Variants in PABPC1L observed in about 807,000 individuals in gnomAD.
PABPC1L encodes the protein polyadenylate-binding protein 1-like.
Under a neutral mutation model 66.6 loss-of-function variants are expected in PABPC1L, and 31 were observed. That is an observed-to-expected ratio of 0.47 (90% confidence interval 0.35 to 0.63). The LOEUF is 0.63. Among genes scored for constraint, PABPC1L ranks in the 20% least tolerant of loss-of-function variants. The probability of loss-of-function intolerance (pLI) is 0.00; values close to 1 mark genes in which losing one functional copy is unlikely to be tolerated. For synonymous variants in PABPC1L, 348 were observed against 335.1 expected (o/e 1.04, Z -0.42); for missense variants, 722 against 848.8 (o/e 0.85, Z 1.86).
intron 7 of PABPC1L, among the ~76,000 whole-genome samples, chr20:44,929,418 A>G (rs1403241358): frequency 6.6e-6 from 1 of 152,238 alleles, no homozygotes; most frequent in Non-Finnish European, 1.5e-5. Context: ...CTAATGGTAT[A>G]AAATAGTTAA....
chr20:44,933,208 G>A (rs762585658), intron 10 of PABPC1L, 23 bp downstream of exon 10: 5 of 1,576,466 alleles, frequency 3.2e-6, no homozygotes, highest in Middle Eastern at 3.3e-4. Flanking sequence ...AGGGCCAAGG[G>A]GAATGGGGGT....
chr20:44,927,852 T>G (rs2066820873), intron 7 of PABPC1L, among the ~76,000 whole-genome samples: 2 of 152,064 alleles, frequency 1.3e-5, no homozygotes, highest in Non-Finnish European at 2.9e-5. Flanking sequence ...TATGCCTGGA[T>G]AATTATTTTT....
intron 2 of PABPC1L, among the ~76,000 whole-genome samples, chr20:44,915,827 G>T (rs2066734289): frequency 6.6e-6 from 1 of 151,258 alleles, no homozygotes; most frequent in Admixed American, 6.6e-5. Flanking sequence ...AAATTGAAAT[G>T]AGTCTGTTGT....
intron 10 of PABPC1L, among the ~76,000 whole-genome samples, 183 bp downstream of exon 10, chr20:44,933,368 T>C (rs1408362439): frequency 6.6e-6 from 1 of 152,150 alleles, no homozygotes; most frequent in African/African-American, 2.4e-5. Context: ...AGGCCCTTGC[T>C]GACTACTATA....
intron 8 of PABPC1L, 189 bp from the exon 9 acceptor site, chr20:44,932,153 C>G: frequency 2.4e-6 from 1 of 423,674 alleles, no homozygotes; most frequent in Non-Finnish European, 4.2e-6. Context: ...GATCTTTGCC[C>G]TGCAGGATTC....
intron 7 of PABPC1L, 88 bp downstream of exon 7, chr20:44,924,344 G>C: frequency 9.6e-7 from 1 of 1,043,296 alleles, no homozygotes; most frequent in Non-Finnish European, 1.4e-6. Flanking sequence ...CCACCCTCTC[G>C]CCCAGCAGCC....
Position 44,930,720 on chromosome 20 carries a change from G to T in PABPC1L, c.1233G>T (p.Met411Ile). The T allele has an allele frequency of 1.2e-6, 2 of 1,612,920 alleles. No individual in the cohort carries two copies. Among genetic ancestry groups the T allele is most frequent in the Non-Finnish European group, 8.5e-7 (1 of 1,179,730 alleles). The stretch of plus-strand genomic sequence containing the variant: ...CCTCCAGCTACTTCCTGCCTGCCAT[G>T]CCCCAGGTGACGGCCTGCCCGCAAC... ...QQPSSYFLPA[M>I]PQPPAQAAYY... Residue 411 changes from methionine (M) to isoleucine (I), a missense_variant, in exon 8 of 15, where the codon ATG becomes ATT. Transcript: ENST00000217073.
intron 7 of PABPC1L, among the ~76,000 whole-genome samples, chr20:44,926,638 C>G (rs1056123422): frequency 2.6e-5 from 4 of 151,758 alleles, no homozygotes; most frequent in African/African-American, 9.7e-5. Context: ...CTTCTGCCTC[C>G]CAGGTTCAAG....
At chr20:44,925,084 G>A (rs898859418) in intron 7 of PABPC1L, among the ~76,000 whole-genome samples, 47 of 145,218 alleles carry the variant, frequency 3.2e-4, no homozygotes, top group African/African-American at 1.2e-3. Flanking sequence ...ATGATGGCAC[G>A]TGCCTATAGT....
chr20:44,910,086 C>T lies in PABPC1L; in HGVS notation c.-58C>T, dbSNP rs550622052. On this transcript the variant is annotated 5_prime_UTR_variant, in exon 1 of 15. Transcript: ENST00000217073. Reference sequence around the variant, plus strand: ...AGGAGGGCTTCCGCCCGGGTGAGCGCGGGGCTGCTGGGTGACCCGGCTCCT... The same window carrying T: ...AGGAGGGCTTCCGCCCGGGTGAGCGTGGGGCTGCTGGGTGACCCGGCTCCT... 9.5e-5 allele frequency: 137 copies of T among 1,442,306 alleles called. 1 individual carries two copies. In the South Asian group the frequency reaches 1.7e-3, roughly 18 times the overall value. 89.3% of individuals were successfully genotyped at this position (1,442,306 alleles called of 1,614,324 possible). A position where few individuals can be genotyped will look rare whatever the true frequency, so the allele number is the denominator to read the frequency against.
chr20:44,931,008 C>T (rs2066849686), intron 8 of PABPC1L, among the ~76,000 whole-genome samples: 1 of 88,086 alleles, frequency 1.1e-5, no homozygotes, highest in Non-Finnish European at 2.3e-5. Flanking sequence ...TTCCTTCCTC[C>T]CTTCCTTCCC....
At chr20:44,935,521 TCTTAGCCTGGGCTC>T (rs1408206610) in intron 11 of PABPC1L, 24 bp downstream of exon 11, 1 of 1,603,402 alleles carries the variant, frequency 6.2e-7, no homozygotes, top group Non-Finnish European at 8.5e-7. Context: ...AGCTGCCTGC[TCTTAGCCTGGGCTC>T]CTGGCCGCCT....
chr20:44,938,614 G>A lies in PABPC1L; in HGVS notation c.1792-60G>A, dbSNP rs560584807. 13 of 1,547,502 alleles carry A rather than the reference G, an allele frequency of 8.4e-6. No homozygotes were observed. The South Asian group carries it at 1.1e-4, about 13-fold the overall frequency. On this transcript the variant is annotated intron_variant, in intron 13 of 14. Coordinates refer to ENST00000217073, the MANE Select transcript of PABPC1L (RefSeq NM_001372179.1). ...GATGGTGAGCGAGGGGGAGATCAAG[G>A]CTCTTCTGTGACCTGCTAAGATAGC...
chr20:44,924,357 CA>C, intron 7 of PABPC1L, 101 bp downstream of exon 7: 2 of 933,362 alleles, frequency 2.1e-6, no homozygotes, highest in South Asian at 3.0e-5. Context: ...CAGCAGCCTT[CA>C]GGGGGTTGGT....
Position 44,935,472 on chromosome 20 carries a change from C to T in PABPC1L, c.1541C>T (p.Ser514Phe), listed in dbSNP as rs1350264010. The T allele has an allele frequency of 3.1e-6, 5 of 1,614,026 alleles. No individual in the cohort carries two copies. The highest frequency in any genetic ancestry group is 4.2e-6 in the Non-Finnish European group (5 of 1,180,022). ...CGGCCGCTCCTGCCGTGCAAATGTT[C>T]CTCAGCAGCACATAGCACCTATCGG... is the stretch of plus-strand genomic sequence containing the variant. Reference protein sequence around the residue: ...PGRPLLPCKCSSAAHSTYRVQ... With the variant: ...PGRPLLPCKCFSAAHSTYRVQ... Residue 514 changes from serine to phenylalanine, a missense_variant, in exon 11 of 15, where the codon TCC (serine) becomes TTC (phenylalanine). Around this residue, in one of 3 missense-constraint regions of PABPC1L, gnomAD observed 301 missense variants for 337.2 expected, o/e 0.89. Coordinates refer to ENST00000217073, the MANE Select transcript of PABPC1L (RefSeq NM_001372179.1).
In PABPC1L at chr20:44,936,924, C is replaced by A. The variant is rs537384749; in HGVS notation, c.1660+194C>A. Reference sequence around the variant, plus strand: ...TGTTATCTTGTCTTAAAACGCTGGTCAGACTGGATGGTCCTGAGCTTTCTT... The same window carrying A: ...TGTTATCTTGTCTTAAAACGCTGGTAAGACTGGATGGTCCTGAGCTTTCTT... On this transcript the variant is annotated intron_variant, in intron 12 of 14. Coordinates refer to ENST00000217073, the MANE Select transcript of PABPC1L (RefSeq NM_001372179.1). 2.5e-5 allele frequency: 17 copies of A among 678,354 alleles called. No individual in the cohort carries two copies. The South Asian group carries it at 2.6e-4, about 10-fold the overall frequency. 42.0% of individuals were successfully genotyped at this position (678,354 alleles called of 1,614,324 possible). A position where few individuals can be genotyped will look rare whatever the true frequency, so the allele number is the denominator to read the frequency against.
intron 11 of PABPC1L, among the ~76,000 whole-genome samples, chr20:44,936,203 G>A (rs574745595): frequency 5.3e-5 from 8 of 152,220 alleles, no homozygotes; most frequent in South Asian, 2.1e-4. Context: ...GGCCTCAAGC[G>A]ATCCTCCCAC....
At chr20:44,920,073 C>T (rs2066762822) in intron 5 of PABPC1L, among the ~76,000 whole-genome samples, 1 of 152,182 alleles carries the variant, frequency 6.6e-6, no homozygotes, top group Admixed American at 6.5e-5. Flanking sequence ...ATTCCCCCAA[C>T]ACATGAACAG....
intron 1 of PABPC1L, among the ~76,000 whole-genome samples, chr20:44,910,953 G>A (rs1171635827): frequency 6.6e-6 from 1 of 152,220 alleles, no homozygotes; most frequent in Admixed American, 6.5e-5. Flanking sequence ...GAGTTTGCCT[G>A]CACTTCTGTT....
Sources: allele counts gnomAD v4.1 joint callset (sites outside exome capture counted in the v4.1 genomes callset), GRCh38; gene constraint gnomAD v4.1.1; regional missense constraint gnomAD v4.1.1; transcripts MANE v1.5; gene names NCBI Gene and HGNC (gene_info 2026-07-23, HGNC 2026-07-21).